Variants in KIAA1958 observed in about 807,000 individuals in gnomAD.
The protein encoded by KIAA1958 is KIAA1958, also known as uncharacterized protein KIAA1958.
A neutral mutation model predicts 47.2 loss-of-function variants in KIAA1958; 14 were observed. The observed-to-expected ratio is 0.30, with a 90% CI of 0.20 to 0.46. The LOEUF is 0.46. Among genes scored for constraint, KIAA1958 ranks in the 20% least tolerant of loss-of-function variants. The probability of loss-of-function intolerance (pLI) is 1.00; values close to 1 mark genes in which losing one functional copy is unlikely to be tolerated. For missense variants in KIAA1958, 803 were observed against 909.2 expected (o/e 0.88, Z 1.50); for synonymous variants, 354 against 353.3 (o/e 1.00, Z -0.02).
intron 1 of KIAA1958, among the ~76,000 whole-genome samples, chr9:112,505,289 T>G (rs1260768816): frequency 6.6e-6 from 1 of 152,210 alleles, no homozygotes; most frequent in Non-Finnish European, 1.5e-5. Context: ...TCAGACTGCC[T>G]GGCTTTGAAT....
At chr9:112,489,225 C>T (rs770868868) in intron 1 of KIAA1958, among the ~76,000 whole-genome samples, 1 of 152,218 alleles carries the variant, frequency 6.6e-6, no homozygotes, top group African/African-American at 2.4e-5. Context: ...TATACGTACT[C>T]TTCCTTAGCT....
chr9:112,506,105 T>TA (rs1429275201), intron 1 of KIAA1958, among the ~76,000 whole-genome samples: 1 of 152,150 alleles, frequency 6.6e-6, no homozygotes, highest in Non-Finnish European at 1.5e-5. Context: ...AAGCTTTTGG[T>TA]AAAATCTGAA....
intron 1 of KIAA1958, among the ~76,000 whole-genome samples, chr9:112,531,594 A>G (rs966478522): frequency 6.6e-5 from 10 of 152,208 alleles, no homozygotes; most frequent in South Asian, 2.1e-4. Flanking sequence ...CTTTTTTACA[A>G]TGTAGAAAAG....
intron 1 of KIAA1958, among the ~76,000 whole-genome samples, chr9:112,491,165 G>A (rs931417297): frequency 2.6e-5 from 4 of 152,106 alleles, no homozygotes; most frequent in Non-Finnish European, 4.4e-5. Context: ...GGGGTCTTGC[G>A]GTGTTGCCCA....
chr9:112,591,385 G>A (rs1469065209), intron 2 of KIAA1958, among the ~76,000 whole-genome samples: 2 of 151,956 alleles, frequency 1.3e-5, no homozygotes, highest in African/African-American at 4.8e-5. Context: ...CACCTGGCTG[G>A]TTTAGCTTTT....
At chr9:112,555,796 C>T (rs1835229006) in intron 1 of KIAA1958, among the ~76,000 whole-genome samples, 1 of 152,202 alleles carries the variant, frequency 6.6e-6, no homozygotes, top group Non-Finnish European at 1.5e-5. Flanking sequence ...ACTTCTTGAC[C>T]CGGTGCGGTG....
At chr9:112,615,790 C>T (rs62575198) in intron 2 of KIAA1958, among the ~76,000 whole-genome samples, 12,232 of 152,164 alleles carry the variant, frequency 0.08, 700 homozygotes, top group East Asian at 0.19. Flanking sequence ...CAAGGTCTTT[C>T]GACTTTGAGG....
chr9:112,571,764 C>CATATTT, intron 1 of KIAA1958, among the ~76,000 whole-genome samples: 1 of 149,446 alleles, frequency 6.7e-6, no homozygotes, highest in Non-Finnish European at 1.5e-5. Context: ...CTTGGGCAAC[C>CATATTT]TAGGGACACC....
At chr9:112,560,246 G>T (rs1188693313) in intron 1 of KIAA1958, among the ~76,000 whole-genome samples, 2 of 147,346 alleles carry the variant, frequency 1.4e-5, no homozygotes, top group African/African-American at 5.0e-5. Flanking sequence ...CGTCATCCAG[G>T]GTGGAGTGCA....
chr9:112,666,944 G>A lies in KIAA1958; in HGVS notation c.*6875G>A, dbSNP rs953294291. The A allele has an allele frequency of 7.9e-5, 12 of 152,338 alleles. No individual in the cohort carries two copies. Among genetic ancestry groups the A allele is most frequent in the Non-Finnish European group, 1.5e-4 (10 of 68,042 alleles). The allele number at this position is 152,338 out of a possible 1,614,324, so 9.4% of individuals were successfully genotyped here. The stretch of plus-strand genomic sequence containing the variant: ...AGCTAAAACAGGAGCAGAAAGCAGA[G>A]AAGGACTATTAGACCTATGGTGGCA... On this transcript the variant is annotated 3_prime_UTR_variant, in exon 4 of 4. Transcript: ENST00000337530.
At chr9:112,510,760 G>A (rs532123914) in intron 1 of KIAA1958, among the ~76,000 whole-genome samples, 1 of 152,192 alleles carries the variant, frequency 6.6e-6, no homozygotes, top group South Asian at 2.1e-4. Context: ...GTTCGGTGTA[G>A]GGGGCATAGG....
rs151038756 is a variant in KIAA1958 at position 112,610,762 on chromosome 9, C to T, written c.1172-34888C>T. The stretch of plus-strand genomic sequence containing the variant: ...ATACTTTCAAATCGTTTTCTTATGC[C>T]AGCAGAACTATAATGGTAATATGTA... On this transcript the variant is annotated intron_variant, in intron 2 of 3. Coordinates refer to ENST00000337530, the MANE Select transcript of KIAA1958 (RefSeq NM_133465.4). Among the ~76,000 whole-genome samples the T allele has an allele frequency of 2.5e-3, 382 of 152,166 alleles. 2 individuals carry two copies. The highest frequency in any genetic ancestry group is 4.5e-3 in the Non-Finnish European group (303 of 67,976).
At chr9:112,653,402 C>T (rs1242830504) in intron 3 of KIAA1958, among the ~76,000 whole-genome samples, 1 of 152,182 alleles carries the variant, frequency 6.6e-6, no homozygotes, top group Non-Finnish European at 1.5e-5. Context: ...CCTAAAGCAA[C>T]AGCCATTTTA....
chr9:112,589,141 A>G (rs1303140217), intron 2 of KIAA1958, among the ~76,000 whole-genome samples: 1 of 152,198 alleles, frequency 6.6e-6, no homozygotes, highest in Non-Finnish European at 1.5e-5. Flanking sequence ...ATAGCTACAA[A>G]AACTCCCACA....
At position 112,618,295 on chromosome 9, in the gene KIAA1958, A is replaced by T; in HGVS notation, c.1172-27355A>T. The T allele has an allele frequency of 6.4e-7, 1 of 1,550,996 alleles. No individual in the cohort carries two copies. The highest frequency in any genetic ancestry group is 2.4e-5 in the East Asian group (1 of 40,920). ...ACGAGCTCATCCTGCGGAAAAGGGG[A>T]CTGCTAAGCCGATATAACCCCGAGG... is the stretch of plus-strand genomic sequence containing the variant. On this transcript the variant is annotated intron_variant, in intron 2 of 3. Coordinates refer to ENST00000337530, the MANE Select transcript of KIAA1958 (RefSeq NM_133465.4). This position sits in a 1 kb window ranked among gnomAD's most constrained non-coding sequence, Gnocchi z 7.1.
Position 112,660,031 on chromosome 9 carries a change from G to T in KIAA1958, c.2113G>T (p.Val705Phe), listed in dbSNP as rs1837248013. The T allele has an allele frequency of 1.9e-6, 3 of 1,613,718 alleles. No homozygotes were observed. Among genetic ancestry groups the T allele is most frequent in the Non-Finnish European group, 2.5e-6 (3 of 1,180,044 alleles). ...ENFTFVSFTQ[V>F]SRRLGSHSCC... ...CTTCACCTTTGTCTCGTTCACTCAG[G>T]TCTCCCGGAGGCTTGGCTCCCACAG... The change falls in exon 4 of 4, where the codon GTC becomes TTC. Residue 705 changes from valine (V) to phenylalanine (F), a missense_variant. Coordinates refer to ENST00000337530, the MANE Select transcript of KIAA1958 (RefSeq NM_133465.4).
chr9:112,585,264 C>G (rs1046613129), intron 2 of KIAA1958, among the ~76,000 whole-genome samples: 4 of 152,274 alleles, frequency 2.6e-5, no homozygotes, highest in African/African-American at 7.2e-5. Flanking sequence ...AGCAGACAAA[C>G]CAACAACTTC....
intron 1 of KIAA1958, among the ~76,000 whole-genome samples, chr9:112,518,067 AAGC>A (rs751715605): frequency 6.6e-6 from 1 of 152,198 alleles, no homozygotes; most frequent in Non-Finnish European, 1.5e-5. Flanking sequence ...ATAGAAAGGA[AAGC>A]AGCTGGGAGC....
chr9:112,532,114 G>A (rs983355264), intron 1 of KIAA1958, among the ~76,000 whole-genome samples: 2 of 152,184 alleles, frequency 1.3e-5, no homozygotes, highest in African/African-American at 2.4e-5. Context: ...TTAGCTTCTG[G>A]TGGTGAGGGG....
Sources: allele counts gnomAD v4.1 joint callset (sites outside exome capture counted in the v4.1 genomes callset), GRCh38; gene constraint gnomAD v4.1.1; non-coding constraint Gnocchi (gnomAD v3.1); transcripts MANE v1.5; gene names NCBI Gene and HGNC (gene_info 2026-07-23, HGNC 2026-07-21).